NTN4: variants seen among roughly 807,000 people sequenced by gnomAD.
NTN4 encodes the protein netrin-4.
In NTN4, 32 loss-of-function variants were observed where a neutral mutation model predicts 73.6. The ratio of observed to expected loss-of-function variants is 0.44; its 90% CI spans 0.33 to 0.58. The LOEUF is 0.58. Ranked by LOEUF, NTN4 falls within the 20% of genes least tolerant of loss-of-function variation. The probability of loss-of-function intolerance (pLI) is 0.04; values close to 1 mark genes in which losing one functional copy is unlikely to be tolerated. For synonymous variants in NTN4, 258 were observed against 287.5 expected, an observed-to-expected ratio of 0.90 and a Z score of 1.04; for missense variants, 654 against 798.3, an observed-to-expected ratio of 0.82 and a Z score of 2.18.
At chr12:95,752,512 A>G (rs941667803) in intron 2 of NTN4, among the ~76,000 whole-genome samples, 3 of 151,498 alleles carry the variant, frequency 2.0e-5, no homozygotes, top group African/African-American at 4.9e-5. Flanking sequence ...CAAGTTACCT[A>G]GGCTCTACTG....
At chr12:95,757,027 C>A (rs920741352) in intron 2 of NTN4, among the ~76,000 whole-genome samples, 2 of 152,166 alleles carry the variant, frequency 1.3e-5, no homozygotes, top group African/African-American at 4.8e-5. Context: ...TTCTTCCAGA[C>A]TTAGAATATA....
At chr12:95,725,463 GA>G (rs953582000) in intron 3 of NTN4, among the ~76,000 whole-genome samples, 3 of 151,978 alleles carry the variant, frequency 2.0e-5, no homozygotes, top group African/African-American at 4.8e-5. Context: ...TGTTTTAAAG[GA>G]AAAAAATTTC....
rs760722087 is a variant in NTN4, at chr12:95,787,217, G to A, written c.307C>T (p.Arg103Cys). The A allele has an allele frequency of 1.7e-5, 28 of 1,614,092 alleles. No individual in the cohort carries two copies. The highest frequency in any genetic ancestry group is 1.1e-4 in the East Asian group (5 of 44,888). The change falls in exon 2 of 10, where the codon CGC becomes TGC. Residue 103 changes from arginine (R) to cysteine (C), a missense_variant. Coordinates refer to ENST00000343702, the MANE Select transcript of NTN4 (RefSeq NM_021229.4). ...AMADSSFRFP[R>C]TWWQSAEDVH... ...TCCTCCGCAGACTGCCACCATGTGCGAGGAAACCGGAAGGATGAGTCTGCC... is the reference window on the plus strand; with the variant it reads ...TCCTCCGCAGACTGCCACCATGTGCAAGGAAACCGGAAGGATGAGTCTGCC...
chr12:95,676,775 A>G (rs1045788759), intron 7 of NTN4, among the ~76,000 whole-genome samples: 4 of 152,180 alleles, frequency 2.6e-5, no homozygotes, highest in Non-Finnish European at 4.4e-5. Flanking sequence ...AAGTTAACCA[A>G]AAGTTAATCT....
rs1397969099 is a variant in NTN4 at position 95,713,312 on chromosome 12, G to A, written c.891C>T (p.His297=). 1.9e-6 allele frequency: 3 copies of A among 1,607,690 alleles called. No individual in the cohort carries two copies. Among genetic ancestry groups the A allele is most frequent in the Non-Finnish European group, 2.6e-6 (3 of 1,175,036 alleles). ...GCTGGCAGTGGCTGCCTGCTGTGTT[G>A]TGCTTACACATACACTTCCCATGGA... is the stretch of plus-strand genomic sequence containing the variant. The part of the protein sequence containing the change: ...HMVHGKCMCK[H]NTAGSHCQHC... Residue 297 remains histidine (H), a synonymous_variant, in exon 4 of 10, where the codon CAC becomes CAT. Coordinates refer to ENST00000343702, the MANE Select transcript of NTN4 (RefSeq NM_021229.4).
At chr12:95,705,662 T>C (rs1235714442) in intron 5 of NTN4, among the ~76,000 whole-genome samples, 2 of 152,208 alleles carry the variant, frequency 1.3e-5, no homozygotes, top group Non-Finnish European at 2.9e-5. Context: ...CACTCCACTC[T>C]TGCTGACTGC....
At chr12:95,717,377 T>C (rs959221756) in intron 3 of NTN4, among the ~76,000 whole-genome samples, 1 of 152,150 alleles carries the variant, frequency 6.6e-6, no homozygotes, top group African/African-American at 2.4e-5. Flanking sequence ...GACAAGTCAA[T>C]TCCCTCTACA....
At chr12:95,718,985 T>C (rs1321053174) in intron 3 of NTN4, among the ~76,000 whole-genome samples, 1 of 152,158 alleles carries the variant, frequency 6.6e-6, no homozygotes, top group East Asian at 1.9e-4. Context: ...AAAATCCACC[T>C]GGTTAATGCT....
At chr12:95,700,642 C>T (rs918778098) in intron 5 of NTN4, among the ~76,000 whole-genome samples, 3 of 151,892 alleles carry the variant, frequency 2.0e-5, no homozygotes, top group African/African-American at 7.3e-5. Context: ...TGAAACTGGC[C>T]GTGGTGAGAA....
intron 2 of NTN4, among the ~76,000 whole-genome samples, chr12:95,747,514 G>A (rs919060998): frequency 1.3e-5 from 2 of 152,062 alleles, no homozygotes; most frequent in African/African-American, 2.4e-5. Context: ...ATGTTGCCCA[G>A]GTTGGTCTCA....
chr12:95,698,862 A>AT (rs879512773), intron 5 of NTN4, among the ~76,000 whole-genome samples: 400 of 152,014 alleles, frequency 2.6e-3, no homozygotes, highest in Non-Finnish European at 4.3e-3. Flanking sequence ...GCCTCAAAAA[A>AT]AAAATAAAAT....
intron 5 of NTN4, among the ~76,000 whole-genome samples, chr12:95,706,588 C>T (rs1005559043): frequency 4.6e-5 from 7 of 152,122 alleles, no homozygotes; most frequent in African/African-American, 1.4e-4. Context: ...TGTGATGGCT[C>T]CTAGTACCCT....
At chr12:95,706,293 A>AACAC (rs1555216200) in intron 5 of NTN4, among the ~76,000 whole-genome samples, 2 of 151,630 alleles carry the variant, frequency 1.3e-5, no homozygotes, top group Non-Finnish European at 2.9e-5. Flanking sequence ...CAGTAACAAA[A>AACAC]AAAACTAAAA....
At chr12:95,696,863 A>G (rs1046818497) in intron 5 of NTN4, among the ~76,000 whole-genome samples, 2 of 152,146 alleles carry the variant, frequency 1.3e-5, no homozygotes, top group Non-Finnish European at 2.9e-5. Context: ...CAGCTTTATT[A>G]TTTATTTTTT....
intron 2 of NTN4, among the ~76,000 whole-genome samples, chr12:95,782,965 C>A (rs1447709546): frequency 6.6e-6 from 1 of 152,200 alleles, no homozygotes; most frequent in African/African-American, 2.4e-5. Context: ...TACATCTCCC[C>A]ACTTCCTTGT....
chr12:95,767,279 C>A (rs1276616381), intron 2 of NTN4, among the ~76,000 whole-genome samples: 4 of 151,996 alleles, frequency 2.6e-5, no homozygotes, highest in Non-Finnish European at 5.9e-5. Flanking sequence ...CTTTAAGAGA[C>A]AACAATTTAA....
chr12:95,763,706 T>C (rs1338284857), intron 2 of NTN4, among the ~76,000 whole-genome samples: 1 of 152,248 alleles, frequency 6.6e-6, no homozygotes, highest in Non-Finnish European at 1.5e-5. Context: ...CCTCTATTTC[T>C]GAACCTTTCT....
intron 5 of NTN4, among the ~76,000 whole-genome samples, chr12:95,695,475 C>T (rs567809116): frequency 1.3e-5 from 2 of 152,194 alleles, no homozygotes; most frequent in East Asian, 3.9e-4. Flanking sequence ...AGTGATTCTC[C>T]TGCCTCAGCC....
intron 2 of NTN4, among the ~76,000 whole-genome samples, chr12:95,774,453 A>G (rs2079078326): frequency 6.6e-6 from 1 of 152,220 alleles, no homozygotes; most frequent in South Asian, 2.1e-4. Context: ...ATTAGCAGCC[A>G]TCATGACTTG....
Sources: gnomAD v4.1 joint callset for allele counts (sites outside exome capture counted in the v4.1 genomes callset) on GRCh38, gnomAD v4.1.1 for gene constraint, MANE v1.5 for transcripts, NCBI Gene and HGNC (gene_info 2026-07-23, HGNC 2026-07-21) for gene names.